PAPSS1: variants seen among roughly 807,000 people sequenced by gnomAD.
PAPSS1 encodes bifunctional 3'-phosphoadenosine 5'-phosphosulfate synthase 1.
A neutral mutation model predicts 72.0 loss-of-function variants in PAPSS1; 50 were observed. That is an observed-to-expected ratio of 0.69 (90% CI 0.55 to 0.88). PAPSS1 has a LOEUF of 0.88. Among genes scored for constraint, PAPSS1 ranks in the 40% least tolerant of loss-of-function variants. The pLI is 0.00. For missense variants in PAPSS1, 657 were observed against 782.2 expected (o/e 0.84, Z 1.91); for synonymous variants, 261 against 263.6 (o/e 0.99, Z 0.09).
intron 4 of PAPSS1, among the ~76,000 whole-genome samples, chr4:107,684,205 A>G (rs1722712515): frequency 6.6e-6 from 1 of 152,152 alleles, no homozygotes; most frequent in African/African-American, 2.4e-5. Context: ...TAGAAAGCTG[A>G]GGACTAAACT....
intron 4 of PAPSS1, among the ~76,000 whole-genome samples, chr4:107,685,417 A>C (rs956838556): frequency 8.5e-5 from 13 of 152,222 alleles, no homozygotes; most frequent in African/African-American, 2.9e-4. Flanking sequence ...AATTAAAGTA[A>C]GTAAAAGGTT....
intron 10 of PAPSS1, among the ~76,000 whole-genome samples, chr4:107,637,656 A>G (rs2110306816): frequency 6.6e-6 from 1 of 152,350 alleles, no homozygotes; most frequent in Middle Eastern, 3.4e-3. Flanking sequence ...GCATTTATTT[A>G]AGTGTAATAA....
At chr4:107,641,989 T>G (rs1425188117) in intron 10 of PAPSS1, among the ~76,000 whole-genome samples, 1 of 152,192 alleles carries the variant, frequency 6.6e-6, no homozygotes, top group East Asian at 1.9e-4. Context: ...ATTGATCCTA[T>G]TTTCTCCTCT....
chr4:107,715,213 T>C (rs1251458011), intron 1 of PAPSS1, among the ~76,000 whole-genome samples: 1 of 152,250 alleles, frequency 6.6e-6, no homozygotes, highest in East Asian at 1.9e-4. Context: ...TTAATGTTCA[T>C]TAAATTTCAG....
intron 5 of PAPSS1, among the ~76,000 whole-genome samples, chr4:107,665,953 T>C (rs1337546643): frequency 1.3e-5 from 2 of 152,238 alleles, no homozygotes; most frequent in African/African-American, 2.4e-5. Context: ...ATTTTAAGTT[T>C]TCCTTTAAAT....
chr4:107,669,017 C>A (rs1727395081), intron 5 of PAPSS1, among the ~76,000 whole-genome samples: 1 of 152,170 alleles, frequency 6.6e-6, no homozygotes, highest in African/African-American at 2.4e-5. Context: ...CAACATGGTA[C>A]TTGATATATT....
chr4:107,697,403 G>T (rs1723096785), intron 2 of PAPSS1, among the ~76,000 whole-genome samples: 2 of 152,114 alleles, frequency 1.3e-5, no homozygotes, highest in Admixed American at 1.3e-4. Flanking sequence ...TGGTGGCTAG[G>T]GTGAAAAAGG....
At chr4:107,697,098 C>G (rs956994232) in intron 2 of PAPSS1, among the ~76,000 whole-genome samples, 1 of 152,152 alleles carries the variant, frequency 6.6e-6, no homozygotes, top group Non-Finnish European at 1.5e-5. Context: ...TTGAGACCAC[C>G]ATGCTAACGT....
In PAPSS1 at chr4:107,693,822, A is replaced by C; in HGVS notation, c.360T>G (p.Phe120Leu). ...TGATGCACACTAAGCCAGCATCTGC[A>C]AACAGTTTAGCAACTTCTGCGATGC... ...VRRIAEVAKL[F>L]ADAGLVCITS... The change falls in exon 3 of 12, where the codon TTT becomes TTG. Residue 120 changes from phenylalanine to leucine, a missense_variant. This residue lies in a region of PAPSS1 where 119 missense variants were observed against 171.1 expected (regional missense o/e 0.70). Coordinates refer to ENST00000265174, the MANE Select transcript of PAPSS1 (RefSeq NM_005443.5). 6.2e-7 allele frequency: 1 copy of C among 1,613,946 alleles called. No individual in the cohort carries two copies. The highest frequency in any genetic ancestry group is 8.5e-7 in the Non-Finnish European group (1 of 1,179,868).
chr4:107,661,074 G>A (rs1432254447), intron 5 of PAPSS1, among the ~76,000 whole-genome samples: 13 of 152,068 alleles, frequency 8.5e-5, no homozygotes, highest in Admixed American at 8.5e-4. Context: ...CATCAAAGAA[G>A]ACACATAGAT....
chr4:107,635,102 C>T (rs1426703173), intron 10 of PAPSS1, among the ~76,000 whole-genome samples: 10 of 152,004 alleles, frequency 6.6e-5, no homozygotes, highest in Admixed American at 6.6e-4. Flanking sequence ...TTGGCCTATT[C>T]TAGACATATT....
rs1331231231 is a variant in PAPSS1 at position 107,614,015 on chromosome 4, G to A, written c.*234C>T. ...AATATAAAAAGACAATTTTAAAATTGTATTGTAGGAATATAACTATAATAA... is the reference window on the plus strand; with the variant it reads ...AATATAAAAAGACAATTTTAAAATTATATTGTAGGAATATAACTATAATAA... On this transcript the variant is annotated 3_prime_UTR_variant, in exon 12 of 12. Transcript: ENST00000265174. 4 of 312,344 alleles carry A rather than the reference G, an allele frequency of 1.3e-5. No individual in the cohort carries two copies. Among genetic ancestry groups the A allele is most frequent in the Non-Finnish European group, 2.3e-5 (4 of 172,160 alleles). 19.3% of individuals were successfully genotyped at this position (312,344 alleles called of 1,614,324 possible).
chr4:107,658,505 G>A (rs1432112350), intron 6 of PAPSS1, among the ~76,000 whole-genome samples: 2 of 152,074 alleles, frequency 1.3e-5, no homozygotes, highest in Non-Finnish European at 1.5e-5. Flanking sequence ...TCAAAGGACC[G>A]ATGAACAATG....
At chr4:107,676,220 A>G (rs1319524611) in intron 5 of PAPSS1, among the ~76,000 whole-genome samples, 2 of 152,204 alleles carry the variant, frequency 1.3e-5, no homozygotes, top group African/African-American at 2.4e-5. Context: ...AGGGCATTCA[A>G]TTAGGAAAAG....
At chr4:107,693,293 A>G (rs747472181) in intron 3 of PAPSS1, among the ~76,000 whole-genome samples, 3 of 152,202 alleles carry the variant, frequency 2.0e-5, no homozygotes, top group Non-Finnish European at 2.9e-5. Flanking sequence ...AAGAAATGAC[A>G]TAATTTTTTC....
intron 9 of PAPSS1, 75 bp downstream of exon 9, chr4:107,653,416 G>T: frequency 1.4e-6 from 2 of 1,405,354 alleles, no homozygotes; most frequent in East Asian, 2.4e-5. Flanking sequence ...TTACATTTTC[G>T]TAAGCACTGG....
chr4:107,646,288 T>C (rs913410706), intron 9 of PAPSS1, among the ~76,000 whole-genome samples: 5 of 121,546 alleles, frequency 4.1e-5, no homozygotes, highest in Admixed American at 3.3e-4. Context: ...CCACTAGAAC[T>C]ACAGATATAT....
intron 10 of PAPSS1, among the ~76,000 whole-genome samples, chr4:107,641,523 A>G (rs1307550363): frequency 6.6e-6 from 1 of 152,198 alleles, no homozygotes; most frequent in African/African-American, 2.4e-5. Flanking sequence ...GACAGACTAC[A>G]GTTAAGTCCC....
chr4:107,631,343 C>T (rs1167392371), intron 11 of PAPSS1, among the ~76,000 whole-genome samples: 1 of 152,224 alleles, frequency 6.6e-6, no homozygotes, highest in Non-Finnish European at 1.5e-5. Flanking sequence ...ACTAAGTCCT[C>T]AAACTAGTTA....
Sources: allele counts gnomAD v4.1 joint callset (sites outside exome capture counted in the v4.1 genomes callset), GRCh38; gene constraint gnomAD v4.1.1; regional missense constraint gnomAD v4.1.1; transcripts MANE v1.5; gene names NCBI Gene and HGNC (gene_info 2026-07-23, HGNC 2026-07-21).